Variants in AFG2A observed in about 807,000 individuals in gnomAD.
AFG2A encodes AAA ATPase AFG2A, also known as ATPase family gene 2 protein homolog A.
the AFG2A span, chr4:122,923,216 C>T: frequency 1.9e-6 from 3 of 1,614,220 alleles, no homozygotes; most frequent in South Asian, 1.1e-5. Context: ...TCTGCTGCTT[C>T]CTCTTGTGCG....
the AFG2A span, among the ~76,000 whole-genome samples, chr4:123,047,404 T>TA: frequency 5.9e-5 from 9 of 151,726 alleles, no homozygotes; most frequent in Non-Finnish European, 1.0e-4. Context: ...CGCATTTTTT[T>TA]ATTGGATTAT....
the AFG2A span, among the ~76,000 whole-genome samples, chr4:123,052,100 T>C: frequency 6.6e-6 from 1 of 152,182 alleles, no homozygotes; most frequent in Non-Finnish European, 1.5e-5. Flanking sequence ...TTTGATGTTG[T>C]CTCATAGCTC....
the AFG2A span, among the ~76,000 whole-genome samples, chr4:123,250,853 T>C: frequency 6.6e-6 from 1 of 152,206 alleles, no homozygotes; most frequent in Non-Finnish European, 1.5e-5. Flanking sequence ...AACATGCTAT[T>C]ATTCAGAATA....
At chr4:123,025,608 T>C in the AFG2A span, among the ~76,000 whole-genome samples, 1 of 152,210 alleles carries the variant, frequency 6.6e-6, no homozygotes, top group Non-Finnish European at 1.5e-5. Flanking sequence ...TATCTTCACT[T>C]TACTGCATAG....
chr4:123,246,163 T>G, the AFG2A span, among the ~76,000 whole-genome samples: 1 of 152,250 alleles, frequency 6.6e-6, no homozygotes, highest in Non-Finnish European at 1.5e-5. Flanking sequence ...CTTTTTTATC[T>G]TTATCTCCCT....
the AFG2A span, among the ~76,000 whole-genome samples, chr4:123,194,591 T>C: frequency 1.3e-5 from 2 of 152,208 alleles, no homozygotes; most frequent in Admixed American, 6.5e-5. Flanking sequence ...CATGAAATGA[T>C]ATGAAGTTAT....
At chr4:123,168,785 C>T in the AFG2A span, among the ~76,000 whole-genome samples, 1 of 152,124 alleles carries the variant, frequency 6.6e-6, no homozygotes, top group African/African-American at 2.4e-5. Flanking sequence ...AATTTATGTC[C>T]TATACTTCCC....
chr4:122,950,393 G>A, the AFG2A span, among the ~76,000 whole-genome samples: 12 of 150,594 alleles, frequency 8.0e-5, no homozygotes, highest in Admixed American at 1.3e-4. Flanking sequence ...AGACTGGAGC[G>A]CAATGGCGCG....
chr4:122,983,452 C>T, the AFG2A span, among the ~76,000 whole-genome samples: 2 of 152,002 alleles, frequency 1.3e-5, no homozygotes, highest in Non-Finnish European at 2.9e-5. Flanking sequence ...TTGCTATAAA[C>T]TTTCCTCATA....
the AFG2A span, among the ~76,000 whole-genome samples, chr4:123,260,969 T>C: frequency 6.6e-6 from 1 of 152,216 alleles, no homozygotes; most frequent in African/African-American, 2.4e-5. Flanking sequence ...AGATCAGCAG[T>C]GGCATTAGAC....
At chr4:123,259,628 G>A in the AFG2A span, among the ~76,000 whole-genome samples, 1 of 152,098 alleles carries the variant, frequency 6.6e-6, no homozygotes, top group African/African-American at 2.4e-5. Context: ...TATCACTATT[G>A]TTTTCTTTTG....
chr4:123,250,548 G>C, the AFG2A span, among the ~76,000 whole-genome samples: 1 of 152,090 alleles, frequency 6.6e-6, no homozygotes, highest in African/African-American at 2.4e-5. Context: ...AGTATTTTTT[G>C]TATGTATAGT....
the AFG2A span, among the ~76,000 whole-genome samples, chr4:123,260,801 T>G: frequency 1.7e-3 from 261 of 152,314 alleles, 1 homozygote; most frequent in Admixed American, 3.6e-3. Context: ...CTAGCAGCAG[T>G]GTACTTGTCT....
chr4:122,954,791 G>T, the AFG2A span, among the ~76,000 whole-genome samples: 5 of 152,046 alleles, frequency 3.3e-5, no homozygotes, highest in African/African-American at 1.2e-4. Flanking sequence ...CATTGTGGCT[G>T]CCACAGCTCA....
At chr4:123,014,549 T>G in the AFG2A span, among the ~76,000 whole-genome samples, 1 of 152,198 alleles carries the variant, frequency 6.6e-6, no homozygotes, top group South Asian at 2.1e-4. Context: ...TTATAAGGTT[T>G]GACTTCATGC....
At chr4:123,097,890 A>G in the AFG2A span, among the ~76,000 whole-genome samples, 301 of 152,282 alleles carry the variant, frequency 2.0e-3, no homozygotes, top group African/African-American at 5.9e-3. Flanking sequence ...TTGTCTAAGA[A>G]TAGTGTTTAC....
At chr4:123,218,992 A>G in the AFG2A span, among the ~76,000 whole-genome samples, 1 of 152,208 alleles carries the variant, frequency 6.6e-6, no homozygotes, top group African/African-American at 2.4e-5. Context: ...ATCTAGATCT[A>G]TATATGAGTT....
the AFG2A span, among the ~76,000 whole-genome samples, chr4:123,080,163 C>T: frequency 8.5e-5 from 13 of 152,258 alleles, no homozygotes; most frequent in African/African-American, 2.6e-4. Flanking sequence ...TGGTATTTAG[C>T]GATGAAGCCT....
chr4:123,267,836 T>TA, the AFG2A span, among the ~76,000 whole-genome samples: 52 of 151,952 alleles, frequency 3.4e-4, no homozygotes, highest in African/African-American at 1.2e-3. Context: ...TAAGTAGTGA[T>TA]ACATCTTGAG....
Sources: gnomAD v4.1 joint callset for allele counts (sites outside exome capture counted in the v4.1 genomes callset) on GRCh38, gnomAD v4.1.1 for gene constraint, MANE v1.5 for transcripts, NCBI Gene and HGNC (gene_info 2026-07-23, HGNC 2026-07-21) for gene names.